The following NRXN3 variants were observed in gnomAD, a reference collection of about 807,000 sequenced individuals.
NRXN3 encodes the protein neurexin 3.
A neutral mutation model predicts 137.6 loss-of-function variants in NRXN3; 32 were observed. That is an observed-to-expected ratio of 0.23 (90% CI 0.18 to 0.31). The LOEUF is 0.31. NRXN3 is among the 10% of genes least tolerant of loss of function. The pLI is 1.00. For synonymous variants in NRXN3, 798 were observed against 784.5 expected (o/e 1.02, Z -0.29); for missense variants, 1,574 against 2,062.5 (o/e 0.76, Z 4.59).
chr14:79,772,235 C>G (rs1157003261), intron 19 of NRXN3, among the ~76,000 whole-genome samples: 4 of 152,136 alleles, frequency 2.6e-5, no homozygotes, highest in African/African-American at 7.2e-5. Flanking sequence ...CCATCCCCAT[C>G]AAGTTACCAA....
intron 10 of NRXN3, among the ~76,000 whole-genome samples, chr14:78,826,493 A>G (rs2098967108): frequency 1.3e-5 from 2 of 152,188 alleles, no homozygotes; most frequent in Admixed American, 1.3e-4. Context: ...CACAGATAAA[A>G]TTCTTAAGCA....
At chr14:79,369,138 G>A (rs1274725202) in intron 15 of NRXN3, among the ~76,000 whole-genome samples, 1 of 152,190 alleles carries the variant, frequency 6.6e-6, no homozygotes, top group Admixed American at 6.5e-5. Context: ...CGAGCAGTGT[G>A]ATGATGTAGG....
intron 19 of NRXN3, among the ~76,000 whole-genome samples, chr14:79,783,953 A>G (rs904467765): frequency 2.6e-5 from 4 of 152,184 alleles, no homozygotes; most frequent in African/African-American, 9.6e-5. Context: ...TTAAAACTTC[A>G]CATGAAATTT....
At chr14:79,257,361 G>GTAA (rs2076732179) in intron 15 of NRXN3, among the ~76,000 whole-genome samples, 2 of 85,768 alleles carry the variant, frequency 2.3e-5, no homozygotes, top group Admixed American at 1.3e-4. Flanking sequence ...GGTGGTGGTG[G>GTAA]TGGTGGTGGT....
chr14:79,537,327 C>T (rs1249310735), intron 16 of NRXN3, among the ~76,000 whole-genome samples: 3 of 151,830 alleles, frequency 2.0e-5, no homozygotes, highest in Non-Finnish European at 4.4e-5. Context: ...CTTTAGGGTA[C>T]ATGTGCCCAA....
At position 78,243,342 on chromosome 14, in the gene NRXN3, C is replaced by A. The variant is rs970291275; in HGVS notation, c.249C>A (p.Gly83=). The change falls in exon 2 of 21, where the codon GGC becomes GGA. Residue 83 remains glycine, a synonymous_variant. Transcript: ENST00000335750. The surrounding 1 kb of genome is among the most constrained non-coding windows in gnomAD (Gnocchi z 4.2). Reference sequence around the variant, plus strand: ...TCCTATGCCTCTCCCTGGTGGATGGCCGCGTTCAGCTCCGCTTCAGCATGG... The same window carrying A: ...TCCTATGCCTCTCCCTGGTGGATGGACGCGTTCAGCTCCGCTTCAGCATGG... ...CDFLCLSLVD[G]RVQLRFSMDC... is the part of the protein sequence containing the mutation. The A allele has an allele frequency of 1.3e-6, 2 of 1,559,550 alleles. No individual in the cohort carries two copies. The highest frequency in any genetic ancestry group is 1.7e-6 in the Non-Finnish European group (2 of 1,160,014).
rs140187257 is a variant in NRXN3 at position 79,184,287 on chromosome 14, C to T, written c.3262+196146C>T. ...ATTTTTAATTTTGTAATAAAAAAGA[C>T]AAGGAAAGGAAACAGCAAGAGAAGA... On this transcript the variant is annotated intron_variant, in intron 15 of 20. Transcript: ENST00000335750. Among the ~76,000 whole-genome samples the T allele has an allele frequency of 1.7e-3, 260 of 152,024 alleles. 2 individuals carry two copies. The highest frequency in any genetic ancestry group is 5.9e-3 in the African/African-American group (245 of 41,462).
intron 8 of NRXN3, among the ~76,000 whole-genome samples, chr14:78,802,385 G>A (rs2098841847): frequency 6.6e-6 from 1 of 152,128 alleles, no homozygotes; most frequent in South Asian, 2.1e-4. Context: ...GCCTGTTGTG[G>A]GGTGGCGGGA....
At chr14:78,681,754 T>C (rs2098078258) in intron 6 of NRXN3, among the ~76,000 whole-genome samples, 1 of 152,142 alleles carries the variant, frequency 6.6e-6, no homozygotes, top group Admixed American at 6.5e-5. Context: ...TCGCACCCCA[T>C]GTATGTTCTC....
intron 15 of NRXN3, among the ~76,000 whole-genome samples, chr14:79,398,087 A>G (rs1454399820): frequency 6.6e-6 from 1 of 152,214 alleles, no homozygotes. Context: ...AATGAAATTA[A>G]TTGACAAGAA....
At position 78,709,513 on chromosome 14, in the gene NRXN3, C is replaced by G; in HGVS notation, c.1518C>G (p.Asp506Glu). 1 of 1,614,072 alleles carries G rather than the reference C, an allele frequency of 6.2e-7. No homozygotes were observed. The highest frequency in any genetic ancestry group is 8.5e-7 in the Non-Finnish European group (1 of 1,180,014). The change falls in exon 7 of 21, where the codon GAC (aspartate) becomes GAG (glutamate). Residue 506 changes from aspartate to glutamate, a missense_variant. Physicochemically the swap from Asp to Glu is conservative, Grantham distance 45. Around this residue, in one of 5 missense-constraint regions of NRXN3, gnomAD observed 718 missense variants for 887.6 expected, o/e 0.81. Coordinates refer to ENST00000335750, the MANE Select transcript of NRXN3 (RefSeq NM_001330195.2). ...DARSQKNTKV[D>E]FFAVELLDGN... ...GGAGCCAGAAGAATACAAAAGTAGA[C>G]TTCTTTGCCGTGGAACTCCTCGATG...
intron 6 of NRXN3, among the ~76,000 whole-genome samples, chr14:78,701,750 T>C (rs776420030): frequency 6.6e-6 from 1 of 152,230 alleles, no homozygotes; most frequent in Non-Finnish European, 1.5e-5. Flanking sequence ...ACTATTGATT[T>C]CAACTTTATC....
chr14:78,514,885 G>C (rs1376451145), intron 4 of NRXN3, among the ~76,000 whole-genome samples: 1 of 152,138 alleles, frequency 6.6e-6, no homozygotes, highest in Non-Finnish European at 1.5e-5. Flanking sequence ...AAAGATCTGG[G>C]TGATTGGCAT....
At chr14:79,454,042 AAC>A (rs1273105833) in intron 15 of NRXN3, among the ~76,000 whole-genome samples, 3 of 151,998 alleles carry the variant, frequency 2.0e-5, no homozygotes, top group Non-Finnish European at 4.4e-5. Flanking sequence ...GTCATTCTCC[AAC>A]TTTTTAAATA....
chr14:79,328,798 A>G (rs958215401), intron 15 of NRXN3, among the ~76,000 whole-genome samples: 3 of 152,240 alleles, frequency 2.0e-5, no homozygotes, highest in East Asian at 1.9e-4. Flanking sequence ...TGTTCTTACC[A>G]GAAAACTGGA....
intron 4 of NRXN3, among the ~76,000 whole-genome samples, chr14:78,408,212 T>G (rs1254427425): frequency 6.6e-6 from 1 of 152,182 alleles, no homozygotes; most frequent in African/African-American, 2.4e-5. Context: ...CCTCCCCTGC[T>G]TCTCTAGGGT....
At chr14:79,339,016 C>T (rs1008894349) in intron 15 of NRXN3, among the ~76,000 whole-genome samples, 3 of 152,110 alleles carry the variant, frequency 2.0e-5, no homozygotes, top group African/African-American at 7.2e-5. Context: ...AAAATAAATC[C>T]TACCCCTTTT....
intron 4 of NRXN3, among the ~76,000 whole-genome samples, chr14:78,573,401 T>C (rs1566785881): frequency 2.6e-5 from 4 of 152,198 alleles, no homozygotes; most frequent in Non-Finnish European, 5.9e-5. Context: ...GTTTGGAACT[T>C]CCTAGAGTCT....
intron 15 of NRXN3, among the ~76,000 whole-genome samples, chr14:79,054,454 G>A (rs1409335011): frequency 6.6e-6 from 1 of 152,234 alleles, no homozygotes; most frequent in Admixed American, 6.5e-5. Context: ...TGCATTTACA[G>A]CTTTCTCTCC....
Sources: gnomAD v4.1 joint callset for allele counts (sites outside exome capture counted in the v4.1 genomes callset) on GRCh38, gnomAD v4.1.1 for gene constraint, gnomAD v4.1.1 regional missense constraint, Gnocchi (gnomAD v3.1) non-coding constraint, MANE v1.5 for transcripts, NCBI Gene and HGNC (gene_info 2026-07-23, HGNC 2026-07-21) for gene names.